Variants in UBE2R2 observed in about 807,000 individuals in gnomAD.
UBE2R2 encodes the protein ubiquitin-conjugating enzyme E2 R2.
A neutral mutation model predicts 27.8 loss-of-function variants in UBE2R2; 1 was observed. The ratio of observed to expected loss-of-function variants is 0.04; its 90% confidence interval spans 0.01 to 0.17. UBE2R2 has a LOEUF of 0.17. UBE2R2 is among the 10% of genes least tolerant of loss of function. The pLI is 1.00. For synonymous variants in UBE2R2, 106 were observed against 113.3 expected, an observed-to-expected ratio of 0.94 and a Z score of 0.41; for missense variants, 100 against 291.0, an observed-to-expected ratio of 0.34 and a Z score of 4.78.
At chr9:33,834,920 A>AAAAAG (rs749882390) in intron 1 of UBE2R2, among the ~76,000 whole-genome samples, 28 of 148,590 alleles carry the variant, frequency 1.9e-4, no homozygotes, top group South Asian at 8.5e-4. Context: ...CAGGAAAAAA[A>AAAAAG]AAAACAAAAG....
At chr9:33,864,173 G>A (rs1406779876) in intron 1 of UBE2R2, among the ~76,000 whole-genome samples, 2 of 152,070 alleles carry the variant, frequency 1.3e-5, no homozygotes, top group African/African-American at 4.8e-5. Context: ...AAGTATATGA[G>A]GTGTTAAAGA....
intron 1 of UBE2R2, among the ~76,000 whole-genome samples, chr9:33,884,436 T>C (rs906650674): frequency 2.0e-5 from 3 of 151,352 alleles, no homozygotes; most frequent in South Asian, 2.1e-4. Flanking sequence ...GACACCACCA[T>C]ACCCGACTGA....
At chr9:33,895,444 C>T (rs1049563925) in intron 2 of UBE2R2, among the ~76,000 whole-genome samples, 3 of 152,198 alleles carry the variant, frequency 2.0e-5, no homozygotes, top group Non-Finnish European at 2.9e-5. Flanking sequence ...TACTGAACAA[C>T]ATGGTTGTCT....
chr9:33,853,120 G>A (rs13295276), intron 1 of UBE2R2, among the ~76,000 whole-genome samples: 15,219 of 151,644 alleles, frequency 0.1, 1,058 homozygotes, highest in Non-Finnish European at 0.14. Flanking sequence ...ATTTGTGTAG[G>A]AACTATTTTC....
intron 1 of UBE2R2, among the ~76,000 whole-genome samples, chr9:33,846,658 G>A (rs1820853517): frequency 2.6e-5 from 4 of 152,178 alleles, no homozygotes; most frequent in Admixed American, 2.6e-4. Context: ...GCAGCAGTGT[G>A]AAGTGATGAG....
chr9:33,842,242 TA>T (rs1055196908), intron 1 of UBE2R2, among the ~76,000 whole-genome samples: 3 of 151,120 alleles, frequency 2.0e-5, no homozygotes, highest in Non-Finnish European at 3.0e-5. Context: ...TCCACAAAAA[TA>T]AAAAAAAATT....
intron 1 of UBE2R2, among the ~76,000 whole-genome samples, chr9:33,872,896 C>T (rs945902953): frequency 2.0e-5 from 3 of 150,382 alleles, no homozygotes; most frequent in Non-Finnish European, 2.9e-5. Flanking sequence ...CATATCAGGC[C>T]GGGCTCTGTG....
intron 1 of UBE2R2, among the ~76,000 whole-genome samples, chr9:33,858,064 G>A (rs1587449372): frequency 6.6e-6 from 1 of 151,932 alleles, no homozygotes. Flanking sequence ...CAGAATAATC[G>A]CATATAATAA....
chr9:33,845,482 T>C (rs983297617), intron 1 of UBE2R2, among the ~76,000 whole-genome samples: 3 of 151,608 alleles, frequency 2.0e-5, no homozygotes, highest in Non-Finnish European at 4.4e-5. Context: ...TCTCCTGACC[T>C]CGTGATCTGC....
chr9:33,891,047 G>GTTTTTTTGTTTTTTT (rs142957598), intron 2 of UBE2R2, among the ~76,000 whole-genome samples: 20,649 of 125,360 alleles, frequency 0.16, 1,733 homozygotes, highest in East Asian at 0.5. Flanking sequence ...TTGTTGTTGT[G>GTTTTTTTGTTTTTTT]TTTTTTTGTT....
At chr9:33,865,835 GTTT>G (rs1266518240) in intron 1 of UBE2R2, among the ~76,000 whole-genome samples, 1 of 137,022 alleles carries the variant, frequency 7.3e-6, no homozygotes, top group African/African-American at 2.7e-5. Flanking sequence ...GTTTTTTTTT[GTTT>G]TTTTTTTTTT....
At chr9:33,838,522 T>C (rs1422415760) in intron 1 of UBE2R2, among the ~76,000 whole-genome samples, 1 of 152,150 alleles carries the variant, frequency 6.6e-6, no homozygotes, top group African/African-American at 2.4e-5. Flanking sequence ...TTTTTTTAAA[T>C]TGAGGTGTAT....
intron 1 of UBE2R2, among the ~76,000 whole-genome samples, chr9:33,833,830 A>G (rs1440593627): frequency 6.6e-6 from 1 of 152,108 alleles, no homozygotes; most frequent in Non-Finnish European, 1.5e-5. Flanking sequence ...GGTAATCTCA[A>G]TTCTCCTTTC....
At chr9:33,866,856 G>A (rs891723767) in intron 1 of UBE2R2, among the ~76,000 whole-genome samples, 2 of 152,092 alleles carry the variant, frequency 1.3e-5, no homozygotes, top group African/African-American at 4.8e-5. Flanking sequence ...TTGTTGGATT[G>A]TGTATGTGAA....
At chr9:33,862,546 C>T (rs1165112525) in intron 1 of UBE2R2, among the ~76,000 whole-genome samples, 1 of 151,942 alleles carries the variant, frequency 6.6e-6, no homozygotes, top group African/African-American at 2.4e-5. Context: ...CTAGTATGCA[C>T]AAAAAAATGC....
intron 1 of UBE2R2, among the ~76,000 whole-genome samples, chr9:33,880,752 C>T (rs1323251104): frequency 6.6e-6 from 1 of 152,172 alleles, no homozygotes; most frequent in Non-Finnish European, 1.5e-5. Flanking sequence ...AGCCTCCAGT[C>T]AGATCAGCTC....
intron 1 of UBE2R2, among the ~76,000 whole-genome samples, chr9:33,827,640 T>TAA (rs138908540): frequency 2.1e-5 from 3 of 145,498 alleles, no homozygotes; most frequent in Admixed American, 6.9e-5. Context: ...AAATTCCATC[T>TAA]AAAAAAAAAA....
Position 33,918,432 on chromosome 9 carries a change from A to G in UBE2R2, c.*1195A>G, listed in dbSNP as rs568662396. The G allele has an allele frequency of 6.6e-6, 1 of 151,908 alleles. No individual in the cohort carries two copies. The highest frequency in any genetic ancestry group is 1.9e-4 in the East Asian group (1 of 5,134). 9.4% of individuals were successfully genotyped at this position (151,908 alleles called of 1,614,324 possible). ...CAACATACTTAGGCTGTGGAGTGCA[A>G]GCAGAATTATGCATAGAAATTGTGG... On this transcript the variant is annotated 3_prime_UTR_variant, in exon 5 of 5. Transcript: ENST00000263228.
At chr9:33,836,178 C>T (rs916676611) in intron 1 of UBE2R2, among the ~76,000 whole-genome samples, 15 of 151,898 alleles carry the variant, frequency 9.9e-5, no homozygotes, top group South Asian at 4.1e-4. Flanking sequence ...TGGTGGGAGG[C>T]GCCTATAATC....
Sources: gnomAD v4.1 joint callset for allele counts (sites outside exome capture counted in the v4.1 genomes callset) on GRCh38, gnomAD v4.1.1 for gene constraint, MANE v1.5 for transcripts, NCBI Gene and HGNC (gene_info 2026-07-23, HGNC 2026-07-21) for gene names.